Variants in FANCA observed in about 807,000 individuals in gnomAD.
FANCA encodes Fanconi anemia group A protein.
A neutral mutation model predicts 194.3 loss-of-function variants in FANCA; 236 were observed. The ratio of observed to expected loss-of-function variants is 1.21; its 90% confidence interval spans 1.09 to 1.35. The LOEUF is 1.35. FANCA is among the 40% of genes most tolerant of loss of function. FANCA has a pLI of 0.00. For missense variants in FANCA, 2,628 were observed against 1,813.9 expected, an observed-to-expected ratio of 1.45 and a Z score of -8.15; for synonymous variants, 1,014 against 715.8, an observed-to-expected ratio of 1.42 and a Z score of -6.65.
At chr16:89,803,164 A>G (rs2040516023) in intron 8 of FANCA, 95 bp downstream of exon 8, 2 of 1,175,658 alleles carry the variant, frequency 1.7e-6, no homozygotes, top group East Asian at 4.7e-5. Flanking sequence ...AGGTACAAAC[A>G]GCACGTTTCA....
chr16:89,801,532 T>C (rs777578894), intron 8 of FANCA, among the ~76,000 whole-genome samples: 13 of 152,156 alleles, frequency 8.5e-5, no homozygotes, highest in Admixed American at 1.3e-4. Context: ...ACAGCCATTA[T>C]GGAAAATAGT....
In FANCA at chr16:89,775,644, C is replaced by G. The variant is rs183927526; in HGVS notation, c.1900+98G>C. The G allele has an allele frequency of 7.4e-5, 73 of 988,706 alleles. 1 individual carries two copies. In the East Asian group the frequency reaches 1.4e-3, roughly 19 times the overall value. The allele number at this position is 988,706 out of a possible 1,614,324, so 61.2% of individuals were successfully genotyped here. The stretch of plus-strand genomic sequence containing the variant: ...CACCGGCTTGAGCTGGCACAGCCAC[C>G]CCCGAGCTCACTCGGGTGGTGTAGC... On this transcript the variant is annotated intron_variant, in intron 21 of 42. Coordinates refer to ENST00000389301, the MANE Select transcript of FANCA (RefSeq NM_000135.4).
chr16:89,744,903 A>AG, intron 36 of FANCA, 56 bp downstream of exon 36: 1 of 1,493,408 alleles, frequency 6.7e-7, no homozygotes, highest in Non-Finnish European at 9.3e-7. Context: ...GATGACCTTG[A>AG]GCAGGTCCCG....
chr16:89,799,031 T>G (rs367890583), intron 10 of FANCA, 135 bp downstream of exon 10: 1 of 1,614,114 alleles, frequency 6.2e-7, no homozygotes, highest in Non-Finnish European at 8.5e-7. Context: ...CTCACGCACG[T>G]TATCGTAACT....
intron 11 of FANCA, 166 bp from the exon 12 acceptor site, chr16:89,792,713 G>A (rs1188884242): frequency 8.1e-6 from 5 of 615,724 alleles, no homozygotes; most frequent in South Asian, 6.5e-5. Flanking sequence ...AGACAGCTGG[G>A]CCCGGGGGAC....
At chr16:89,816,440 C>A in intron 1 of FANCA, 97 bp downstream of exon 1, 1 of 1,141,450 alleles carries the variant, frequency 8.8e-7, no homozygotes, top group Non-Finnish European at 1.1e-6. Flanking sequence ...TCCGGGGATC[C>A]GACCGGCGGA....
intron 9 of FANCA, among the ~76,000 whole-genome samples, 184 bp from the exon 10 acceptor site, chr16:89,799,416 A>G (rs2040363298): frequency 6.6e-6 from 1 of 152,200 alleles, no homozygotes; most frequent in Non-Finnish European, 1.5e-5. Context: ...CTTCCCTGTG[A>G]CCCACAGATT....
intron 20 of FANCA, 93 bp from the exon 21 acceptor site, chr16:89,775,908 T>C (rs1210614623): frequency 2.7e-6 from 2 of 747,074 alleles, no homozygotes; most frequent in East Asian, 3.1e-5. Flanking sequence ...TAAAAACATA[T>C]TAAATTTAAA....
Position 89,740,038 on chromosome 16 carries a change from T to C in FANCA, c.3890A>G (p.Lys1297Arg). The change falls in exon 39 of 43, where the codon AAG (lysine) becomes AGG (arginine). Residue 1297 changes from lysine (K) to arginine (R), a missense_variant. By Grantham distance (26) the Lys-to-Arg change is conservative. Coordinates refer to ENST00000389301, the MANE Select transcript of FANCA (RefSeq NM_000135.4). ...GAGTGCCAGCCAGGATATCTTCCTC[T>C]TCTCTAAACACTCGAGGATTGCTGC... is the stretch of plus-strand genomic sequence containing the variant. ...VCAAILECLE[K>R]RKISWLALFQ... 1 of 1,614,204 alleles carries C rather than the reference T, an allele frequency of 6.2e-7. No homozygotes were observed. The highest frequency in any genetic ancestry group is 8.5e-7 in the Non-Finnish European group (1 of 1,180,038).
At chr16:89,789,497 G>A (rs61666011) in intron 14 of FANCA, among the ~76,000 whole-genome samples, 1 of 138,450 alleles carries the variant, frequency 7.2e-6, no homozygotes, top group East Asian at 2.2e-4. Context: ...CTGGAGCGTA[G>A]TAATGCAATC....
intron 6 of FANCA, among the ~76,000 whole-genome samples, chr16:89,806,680 C>A (rs1455278618): frequency 6.6e-6 from 1 of 152,176 alleles, no homozygotes; most frequent in African/African-American, 2.4e-5. Flanking sequence ...GGTCACAGAT[C>A]AACAGGATCC....
Position 89,737,918 on chromosome 16 carries a change from C to T in FANCA, c.*683G>A, listed in dbSNP as rs376007349. 2.6e-6 allele frequency: 4 copies of T among 1,565,052 alleles called. No individual in the cohort carries two copies. The highest frequency in any genetic ancestry group is 1.1e-5 in the South Asian group (1 of 89,056). On this transcript the variant is annotated 3_prime_UTR_variant, in exon 43 of 43. Transcript: ENST00000389301. The stretch of plus-strand genomic sequence containing the variant: ...CCAAGCCTTTGCAGTAAGTGTGAGT[C>T]AGGACCCCCTCCCAGGGCTGTGGCC...
At chr16:89,785,853 G>T (rs868039926) in intron 14 of FANCA, among the ~76,000 whole-genome samples, 23 of 113,158 alleles carry the variant, frequency 2.0e-4, no homozygotes, top group South Asian at 6.1e-4. Flanking sequence ...GCAAAATTGT[G>T]TTTTGTTTTT....
At position 89,737,807 on chromosome 16, in the gene FANCA, G is replaced by C; in HGVS notation, c.*794C>G. 6.2e-7 allele frequency: 1 copy of C among 1,614,168 alleles called. No homozygotes were observed. Among genetic ancestry groups the C allele is most frequent in the Non-Finnish European group, 8.5e-7 (1 of 1,180,036 alleles). ...ACTCACTGGACTCTCCCCTCTCAGA[G>C]GTGCGGAACTATATCTGTGACGAAT... On this transcript the variant is annotated 3_prime_UTR_variant, in exon 43 of 43. Coordinates refer to ENST00000389301, the MANE Select transcript of FANCA (RefSeq NM_000135.4).
At chr16:89,775,846 C>A in intron 20 of FANCA, 31 bp from the exon 21 acceptor site, 1 of 1,447,148 alleles carries the variant, frequency 6.9e-7, no homozygotes, top group Non-Finnish European at 9.7e-7. Context: ...ACAATTAAGT[C>A]AGCTATGGCT....
At chr16:89,814,996 T>C (rs1299407677) in intron 2 of FANCA, among the ~76,000 whole-genome samples, 1 of 152,168 alleles carries the variant, frequency 6.6e-6, no homozygotes, top group African/African-American at 2.4e-5. Flanking sequence ...GATCTGTGCA[T>C]AAACACAACC....
chr16:89,743,060 G>T (rs1365302885), intron 36 of FANCA, 122 bp from the exon 37 acceptor site: 2 of 1,189,862 alleles, frequency 1.7e-6, no homozygotes, highest in Non-Finnish European at 2.3e-6. Context: ...GGACAGAGAA[G>T]GGTTTCAGGA....
intron 20 of FANCA, 134 bp downstream of exon 20, chr16:89,778,667 C>CAATT: frequency 2.0e-6 from 1 of 489,764 alleles, no homozygotes; most frequent in South Asian, 2.1e-5. Flanking sequence ...AGTAACCAAC[C>CAATT]AATTTTGGAG....
intron 28 of FANCA, 65 bp downstream of exon 28, chr16:89,764,825 G>T (rs752381834): frequency 5.4e-5 from 84 of 1,567,692 alleles, no homozygotes; most frequent in Non-Finnish European, 6.6e-5. Context: ...GTTCTTGCCC[G>T]AGGAGCACAC....
Sources: allele counts gnomAD v4.1 joint callset (sites outside exome capture counted in the v4.1 genomes callset), GRCh38; gene constraint gnomAD v4.1.1; transcripts MANE v1.5; gene names NCBI Gene and HGNC (gene_info 2026-07-23, HGNC 2026-07-21).